Variants in CABLES1 observed in about 807,000 individuals in gnomAD.
CABLES1 encodes Cdk5 and Abl enzyme substrate 1, also known as CDK5 and ABL1 enzyme substrate 1.
A neutral mutation model predicts 57.8 loss-of-function variants in CABLES1; 36 were observed. That is an observed-to-expected ratio of 0.62 (90% CI 0.48 to 0.82). The LOEUF (loss-of-function observed/expected upper bound fraction) is 0.82, where lower values mean the gene tolerates loss of function less well. Ranked by LOEUF, CABLES1 falls within the 40% of genes least tolerant of loss-of-function variation. The pLI is 0.00. For missense variants in CABLES1, 767 were observed against 836.6 expected, an observed-to-expected ratio of 0.92 and a Z score of 1.03; for synonymous variants, 374 against 363.0, an observed-to-expected ratio of 1.03 and a Z score of -0.35.
chr18:23,136,082 G>T lies in CABLES1; in HGVS notation c.320G>T (p.Arg107Leu), dbSNP rs1598791492. 7.7e-6 allele frequency: 9 copies of T among 1,173,778 alleles called. No homozygotes were observed. Among genetic ancestry groups the T allele is most frequent in the Non-Finnish European group, 9.5e-6 (9 of 951,878 alleles). 72.7% of individuals were successfully genotyped at this position (1,173,778 alleles called of 1,614,324 possible). Reference protein sequence around the residue: ...GAGGACGARTRFSLLAAAERG... With the variant: ...GAGGACGARTLFSLLAAAERG... Reference sequence around the variant, plus strand: ...GGCGGCGCCTGCGGCGCGAGGACTCGGTTCAGCTTGCTCGCCGCTGCCGAG... The same window carrying T: ...GGCGGCGCCTGCGGCGCGAGGACTCTGTTCAGCTTGCTCGCCGCTGCCGAG... Residue 107 changes from arginine to leucine, a missense_variant, in exon 1 of 10, where the codon CGG (arginine) becomes CTG (leucine). Arg to Leu is a moderately radical substitution (Grantham distance 102). This residue lies in a region of CABLES1 where 198 missense variants were observed against 149.7 expected (regional missense o/e 1.32). Coordinates refer to ENST00000256925, the MANE Select transcript of CABLES1 (RefSeq NM_001100619.3).
intron 1 of CABLES1, among the ~76,000 whole-genome samples, chr18:23,151,445 A>G (rs963326241): frequency 3.3e-5 from 5 of 152,310 alleles, no homozygotes; most frequent in African/African-American, 1.2e-4. Flanking sequence ...AGTAGCCTGG[A>G]CAGAGGTAGA....
intron 2 of CABLES1, 150 bp downstream of exon 2, chr18:23,189,059 C>T (rs2047223155): frequency 1.7e-6 from 1 of 598,592 alleles, no homozygotes; most frequent in Non-Finnish European, 2.9e-6. Flanking sequence ...TAGTGTCTAA[C>T]CCACCTCTGA....
Position 23,136,225 on chromosome 18 carries a change from G to T in CABLES1, c.463G>T (p.Ala155Ser), listed in dbSNP as rs981882166. 1.4e-5 allele frequency: 18 copies of T among 1,266,480 alleles called. No homozygotes were observed. In the African/African-American group the frequency reaches 2.3e-4, roughly 16 times the overall value. 78.5% of individuals were successfully genotyped at this position (1,266,480 alleles called of 1,614,324 possible). The change falls in exon 1 of 10, where the codon GCG becomes TCG. Residue 155 changes from alanine (A) to serine (S), a missense_variant. Physicochemically the swap from Ala to Ser is moderately conservative, Grantham distance 99. Around this residue, in one of 4 missense-constraint regions of CABLES1, gnomAD observed 529 missense variants for 622.8 expected, o/e 0.85. Coordinates refer to ENST00000256925, the MANE Select transcript of CABLES1 (RefSeq NM_001100619.3). ...SLPPLIPGGH[A>S]TVSGPGVARG... Reference sequence around the variant, plus strand: ...GCCGCCCTTGATTCCTGGCGGCCATGCGACCGTGTCCGGCCCCGGGGTGGC... The same window carrying T: ...GCCGCCCTTGATTCCTGGCGGCCATTCGACCGTGTCCGGCCCCGGGGTGGC...
chr18:23,174,244 CAT>C (rs916965349), intron 1 of CABLES1, among the ~76,000 whole-genome samples: 58 of 152,182 alleles, frequency 3.8e-4, no homozygotes, highest in African/African-American at 1.3e-3. Context: ...TTTGGCTTAA[CAT>C]AATGTTTTCA....
chr18:23,141,667 G>T (rs553208427), intron 1 of CABLES1, among the ~76,000 whole-genome samples: 22 of 152,224 alleles, frequency 1.4e-4, no homozygotes, highest in Non-Finnish European at 2.9e-4. Context: ...TGCCCTTGTT[G>T]CAGTCACAAA....
intron 7 of CABLES1, among the ~76,000 whole-genome samples, chr18:23,243,561 T>C (rs2047795127): frequency 6.6e-6 from 1 of 151,614 alleles, no homozygotes; most frequent in Non-Finnish European, 1.5e-5. Flanking sequence ...AAAGCCTCTT[T>C]TACAATTCAT....
intron 3 of CABLES1, among the ~76,000 whole-genome samples, chr18:23,200,044 C>T (rs996125972): frequency 5.3e-5 from 8 of 152,104 alleles, no homozygotes; most frequent in African/African-American, 9.7e-5. Context: ...AACAAAGCCA[C>T]GTACCAGGCA....
At chr18:23,192,235 CCT>C (rs2047249408) in intron 2 of CABLES1, among the ~76,000 whole-genome samples, 1 of 152,160 alleles carries the variant, frequency 6.6e-6, no homozygotes, top group South Asian at 2.1e-4. Context: ...TCAAGAAAAA[CCT>C]CTATTTGTTT....
chr18:23,236,467 T>C (rs865839316), intron 6 of CABLES1, among the ~76,000 whole-genome samples: 2 of 152,104 alleles, frequency 1.3e-5, no homozygotes, highest in Non-Finnish European at 2.9e-5. Context: ...CCTATCTTGG[T>C]GGGTGAGCTG....
At chr18:23,238,372 T>C (rs1349971989) in intron 7 of CABLES1, among the ~76,000 whole-genome samples, 1 of 152,244 alleles carries the variant, frequency 6.6e-6, no homozygotes, top group Non-Finnish European at 1.5e-5. Flanking sequence ...AGTGGTCATT[T>C]TCGTATGCCA....
At chr18:23,181,466 AGCCTGG>A in intron 1 of CABLES1, among the ~76,000 whole-genome samples, 1 of 127,274 alleles carries the variant, frequency 7.9e-6, no homozygotes, top group South Asian at 2.9e-4. Flanking sequence ...ATTGCACTCC[AGCCTGG>A]GCAACAAGAG....
intron 1 of CABLES1, among the ~76,000 whole-genome samples, chr18:23,171,331 G>T (rs2047080896): frequency 6.6e-6 from 1 of 152,122 alleles, no homozygotes; most frequent in Non-Finnish European, 1.5e-5. Flanking sequence ...TGGATTCCAC[G>T]GTGCCTTGTA....
chr18:23,228,685 C>A (rs1170700144), intron 4 of CABLES1, among the ~76,000 whole-genome samples: 1 of 148,612 alleles, frequency 6.7e-6, no homozygotes, highest in African/African-American at 2.5e-5. Flanking sequence ...TCCCTTTTAC[C>A]CCCTCCAGTC....
chr18:23,197,000 G>A (rs947706264), intron 3 of CABLES1: 4 of 152,274 alleles, frequency 2.6e-5, no homozygotes, highest in Non-Finnish European at 5.9e-5. Context: ...AGAGGCCCCA[G>A]TATTGAGGAG....
At chr18:23,171,017 C>T (rs1315607298) in intron 1 of CABLES1, among the ~76,000 whole-genome samples, 1 of 152,182 alleles carries the variant, frequency 6.6e-6, no homozygotes, top group African/African-American at 2.4e-5. Flanking sequence ...AGGCTGGTCT[C>T]GAACTCCTGA....
chr18:23,259,103 G>T lies in CABLES1; in HGVS notation c.*1736G>T, dbSNP rs2048234509. ...CACTTGCTGTTTATAAAGCAAAATT[G>T]AGAAAATATTCAAGGTGCCTCCATC... On this transcript the variant is annotated 3_prime_UTR_variant, in exon 10 of 10. Transcript: ENST00000256925. 6.6e-6 allele frequency: 1 copy of T among 152,184 alleles called. No individual in the cohort carries two copies. Among genetic ancestry groups the T allele is most frequent in the Admixed American group, 6.5e-5 (1 of 15,280 alleles). The allele number at this position is 152,184 out of a possible 1,614,324, so 9.4% of individuals were successfully genotyped here.
At chr18:23,141,590 G>T (rs911587916) in intron 1 of CABLES1, among the ~76,000 whole-genome samples, 16 of 152,240 alleles carry the variant, frequency 1.1e-4, no homozygotes, top group African/African-American at 3.9e-4. Flanking sequence ...GGTTTTGGAG[G>T]TCGGAGTTGT....
At chr18:23,246,453 A>G (rs536214013) in intron 7 of CABLES1, among the ~76,000 whole-genome samples, 31 of 151,918 alleles carry the variant, frequency 2.0e-4, no homozygotes, top group Admixed American at 3.9e-4. Context: ...GTGCAGTGGC[A>G]AGATCTTGGC....
At chr18:23,249,565 T>G (rs1342569319) in intron 7 of CABLES1, among the ~76,000 whole-genome samples, 1 of 152,234 alleles carries the variant, frequency 6.6e-6, no homozygotes, top group Non-Finnish European at 1.5e-5. Flanking sequence ...TCTCCTGCTT[T>G]GTGCTCCTGA....
Sources: gnomAD v4.1 joint callset for allele counts (sites outside exome capture counted in the v4.1 genomes callset) on GRCh38, gnomAD v4.1.1 for gene constraint, gnomAD v4.1.1 regional missense constraint, MANE v1.5 for transcripts, NCBI Gene and HGNC (gene_info 2026-07-23, HGNC 2026-07-21) for gene names.